PRSS23: variants seen among roughly 807,000 people sequenced by gnomAD.
The protein encoded by PRSS23 is protease, serine 23.
Under a neutral mutation model 34.7 loss-of-function variants are expected in PRSS23, and 25 were observed. The observed-to-expected ratio is 0.72, with a 90% CI of 0.53 to 1.01. The LOEUF is 1.01. Among genes scored for constraint, PRSS23 ranks in the 50% least tolerant of loss-of-function variants. PRSS23 has a pLI of 0.00. For missense variants in PRSS23, 445 were observed against 475.6 expected, an observed-to-expected ratio of 0.94 and a Z score of 0.60; for synonymous variants, 176 against 186.6, an observed-to-expected ratio of 0.94 and a Z score of 0.46.
At chr11:86,868,515 A>G (rs1948665331) in intron 2 of PRSS23, among the ~76,000 whole-genome samples, 1 of 152,144 alleles carries the variant, frequency 6.6e-6, no homozygotes, top group Non-Finnish European at 1.5e-5. Context: ...CCCACAAGGC[A>G]CTGGGTGACT....
intron 1 of PRSS23, among the ~76,000 whole-genome samples, chr11:86,820,749 A>C (rs1341576116): frequency 6.6e-6 from 1 of 152,248 alleles, no homozygotes; most frequent in East Asian, 1.9e-4. Flanking sequence ...GGGTGAAACA[A>C]AGAAAAACAT....
intron 2 of PRSS23, among the ~76,000 whole-genome samples, chr11:86,850,038 G>A (rs1456178264): frequency 6.6e-6 from 1 of 152,210 alleles, no homozygotes; most frequent in Non-Finnish European, 1.5e-5. Context: ...GGAAAAAGGA[G>A]CTTGAACACT....
intron 2 of PRSS23, among the ~76,000 whole-genome samples, chr11:86,823,993 G>A (rs1380511891): frequency 2.8e-5 from 3 of 108,460 alleles, no homozygotes; most frequent in East Asian, 3.8e-4. Flanking sequence ...GCGACAGAGC[G>A]AGACTCCGTC....
Position 86,846,511 on chromosome 11 carries a change from A to T in PRSS23, c.206+22918A>T, listed in dbSNP as rs1565364474. 7.2e-5 allele frequency among the ~76,000 whole-genome samples: 11 copies of T among 152,288 alleles called. No individual in the cohort carries two copies. The South Asian group carries it at 2.3e-3, about 32-fold the overall frequency. On this transcript the variant is annotated intron_variant, in intron 2 of 2. Transcript: ENST00000533902. The stretch of plus-strand genomic sequence containing the variant: ...ACCAGTTCCAACTCTTTTGCTTTCC[A>T]TGGTGGTTCTGAAGTACACCTGGGA...
At chr11:86,893,845 A>T (rs900437921) in intron 2 of PRSS23, among the ~76,000 whole-genome samples, 1 of 152,244 alleles carries the variant, frequency 6.6e-6, no homozygotes, top group Non-Finnish European at 1.5e-5. Flanking sequence ...TATTACTATC[A>T]GCTCAAAGGA....
intron 2 of PRSS23, among the ~76,000 whole-genome samples, chr11:86,863,396 C>T (rs774054048): frequency 2.2e-5 from 3 of 138,786 alleles, no homozygotes; most frequent in Non-Finnish European, 4.9e-5. Flanking sequence ...CATTCTAGTC[C>T]CTTCATGGCA....
At chr11:86,827,501 T>A (rs1294936654) in intron 2 of PRSS23, among the ~76,000 whole-genome samples, 1 of 152,258 alleles carries the variant, frequency 6.6e-6, no homozygotes, top group Non-Finnish European at 1.5e-5. Context: ...CCTTCAATTC[T>A]GCTCTGATTT....
intron 2 of PRSS23, among the ~76,000 whole-genome samples, chr11:86,830,184 C>T (rs965427903): frequency 6.6e-6 from 1 of 152,116 alleles, no homozygotes; most frequent in Non-Finnish European, 1.5e-5. Context: ...CCTAAGCAAG[C>T]CCGGGCAATG....
At chr11:86,938,995 AT>A (rs1949182597) in intron 2 of PRSS23, 2 of 441,550 alleles carry the variant, frequency 4.5e-6, no homozygotes, top group African/African-American at 4.1e-5. Flanking sequence ...TTCTCACTTG[AT>A]GTATTGATGT....
Position 86,856,807 on chromosome 11 carries a change from T to G in PRSS23, c.206+33214T>G, listed in dbSNP as rs776070657. Reference sequence around the variant, plus strand: ...TGTGATTTCACCTGGAGTACAGGGTTATTGCTGAGAAACTAAAGGAGGCCG... The same window carrying G: ...TGTGATTTCACCTGGAGTACAGGGTGATTGCTGAGAAACTAAAGGAGGCCG... On this transcript the variant is annotated intron_variant, in intron 2 of 2. Coordinates refer to the PRSS23 transcript ENST00000533902. 4.3e-4 allele frequency among the ~76,000 whole-genome samples: 65 copies of G among 152,184 alleles called. 1 individual carries two copies. Among genetic ancestry groups the G allele is most frequent in the Admixed American group, 1.4e-3 (21 of 15,276 alleles).
chr11:86,852,110 C>G (rs1948534605), intron 2 of PRSS23, among the ~76,000 whole-genome samples: 1 of 152,200 alleles, frequency 6.6e-6, no homozygotes, highest in African/African-American at 2.4e-5. Context: ...ACTGCCCCTC[C>G]CCTCTGCTGG....
intron 2 of PRSS23, chr11:86,950,259 T>C (rs745378991): frequency 6.5e-6 from 1 of 152,708 alleles, no homozygotes; most frequent in Non-Finnish European, 1.5e-5. Flanking sequence ...AATAGGTCTC[T>C]GGGGTCCGTC....
At chr11:86,842,291 TAAG>T (rs1368297901) in intron 2 of PRSS23, among the ~76,000 whole-genome samples, 3 of 152,174 alleles carry the variant, frequency 2.0e-5, no homozygotes, top group African/African-American at 7.2e-5. Flanking sequence ...CTCAAAATAA[TAAG>T]AGCTATTTAT....
chr11:86,824,356 A>AAAAT (rs1158232387), intron 2 of PRSS23, among the ~76,000 whole-genome samples: 3 of 149,204 alleles, frequency 2.0e-5, no homozygotes, highest in Non-Finnish European at 3.0e-5. Flanking sequence ...AAAATAAAAT[A>AAAAT]AAATAAAATA....
At chr11:86,847,079 T>C (rs1948491861) in intron 2 of PRSS23, among the ~76,000 whole-genome samples, 1 of 152,196 alleles carries the variant, frequency 6.6e-6, no homozygotes, top group Non-Finnish European at 1.5e-5. Flanking sequence ...TGTAGTCAGT[T>C]GGGACACAGG....
chr11:86,795,831 G>A (rs1231683195), upstream of PRSS23, among the ~76,000 whole-genome samples: 2 of 152,192 alleles, frequency 1.3e-5, no homozygotes, highest in African/African-American at 4.8e-5. Flanking sequence ...AAATGATTTT[G>A]AAATATGCCC....
chr11:86,803,240 T>A (rs1334877588), intron 1 of PRSS23, among the ~76,000 whole-genome samples: 2 of 152,206 alleles, frequency 1.3e-5, no homozygotes, highest in African/African-American at 4.8e-5. Context: ...TTTGAAAATC[T>A]TCATTCCATT....
chr11:86,806,992 G>A (rs1948108734), intron 1 of PRSS23, among the ~76,000 whole-genome samples: 1 of 152,154 alleles, frequency 6.6e-6, no homozygotes, highest in South Asian at 2.1e-4. Flanking sequence ...AATAGTAAAG[G>A]TTGTTGTAAA....
intron 2 of PRSS23, among the ~76,000 whole-genome samples, chr11:86,831,816 A>T (rs1019977667): frequency 6.6e-6 from 1 of 151,804 alleles, no homozygotes; most frequent in African/African-American, 2.4e-5. Flanking sequence ...CGCAGCGGGT[A>T]TACACCCTGT....
Sources: gnomAD v4.1 joint callset for allele counts (sites outside exome capture counted in the v4.1 genomes callset) on GRCh38, gnomAD v4.1.1 for gene constraint, MANE v1.5 for transcripts, NCBI Gene and HGNC (gene_info 2026-07-23, HGNC 2026-07-21) for gene names.